Variants in LRCH1 observed in about 807,000 individuals in gnomAD.
LRCH1 encodes leucine rich repeats and calponin homology domain containing 1.
In LRCH1, 23 loss-of-function variants were observed where a neutral mutation model predicts 94.9. The observed-to-expected ratio is 0.24, with a 90% CI of 0.17 to 0.34. The LOEUF is 0.34. Among genes scored for constraint, LRCH1 ranks in the 10% least tolerant of loss-of-function variants. The pLI, the probability that LRCH1 is intolerant of heterozygous loss-of-function variation, is 1.00. For synonymous variants in LRCH1, 364 were observed against 354.9 expected (o/e 1.03, Z -0.29); for missense variants, 790 against 945.9 (o/e 0.84, Z 2.16).
chr13:46,744,903 G>A, downstream of LRCH1: 7 of 984,614 alleles, frequency 7.1e-6, no homozygotes, highest in Non-Finnish European at 8.4e-6. Context: ...TATATAGAAT[G>A]TGCCCTTTTT....
intron 2 of LRCH1, among the ~76,000 whole-genome samples, chr13:46,668,510 T>C (rs898560504): frequency 6.6e-6 from 1 of 152,190 alleles, no homozygotes; most frequent in Non-Finnish European, 1.5e-5. Context: ...ATGAGCCCGG[T>C]GGTTTTGTGA....
intron 18 of LRCH1, among the ~76,000 whole-genome samples, chr13:46,750,255 C>T (rs1425859070): frequency 6.6e-6 from 1 of 152,272 alleles, no homozygotes; most frequent in East Asian, 1.9e-4. Context: ...CTCTGTAGCT[C>T]AGTTATTTAG....
At chr13:46,633,507 G>A (rs1213275957) in intron 1 of LRCH1, among the ~76,000 whole-genome samples, 1 of 152,140 alleles carries the variant, frequency 6.6e-6, no homozygotes, top group Non-Finnish European at 1.5e-5. Flanking sequence ...ACTACATTTT[G>A]GTTTAGGACT....
intron 1 of LRCH1, among the ~76,000 whole-genome samples, chr13:46,572,713 A>G (rs2050254044): frequency 6.6e-6 from 1 of 152,228 alleles, no homozygotes; most frequent in African/African-American, 2.4e-5. Flanking sequence ...CAAAGACTTT[A>G]AAAAGCTTTT....
At chr13:46,638,357 T>C (rs527881336) in intron 1 of LRCH1, among the ~76,000 whole-genome samples, 1 of 152,330 alleles carries the variant, frequency 6.6e-6, no homozygotes, top group East Asian at 1.9e-4. Context: ...TTTGACTTCT[T>C]CAGCAATATG....
chr13:46,556,227 A>G (rs1005498905), intron 1 of LRCH1, among the ~76,000 whole-genome samples: 2 of 152,204 alleles, frequency 1.3e-5, no homozygotes, highest in Non-Finnish European at 2.9e-5. Flanking sequence ...TACGCCTTGT[A>G]AAAAGTCAGG....
intron 1 of LRCH1, among the ~76,000 whole-genome samples, chr13:46,564,561 C>T (rs533772158): frequency 1.2e-3 from 184 of 152,294 alleles, no homozygotes; most frequent in African/African-American, 4.2e-3. Context: ...GGCTGGGAAA[C>T]AAGGGTTGGC....
intron 1 of LRCH1, among the ~76,000 whole-genome samples, chr13:46,599,235 A>G (rs2050600100): frequency 1.3e-5 from 2 of 152,174 alleles, no homozygotes; most frequent in South Asian, 4.1e-4. Context: ...TTGTTTATCC[A>G]TTCTTCTGTC....
intron 1 of LRCH1, among the ~76,000 whole-genome samples, chr13:46,609,168 G>A (rs1274341392): frequency 6.6e-6 from 1 of 152,230 alleles, no homozygotes; most frequent in Non-Finnish European, 1.5e-5. Context: ...GTCATAAGCA[G>A]TGTCTGTTCT....
At chr13:46,583,610 T>C (rs2050397308) in intron 1 of LRCH1, among the ~76,000 whole-genome samples, 1 of 152,238 alleles carries the variant, frequency 6.6e-6, no homozygotes, top group South Asian at 2.1e-4. Flanking sequence ...TTCTAGACAG[T>C]TGAAAGTAAC....
chr13:46,679,066 G>A (rs765863549), intron 3 of LRCH1, among the ~76,000 whole-genome samples: 2 of 152,056 alleles, frequency 1.3e-5, no homozygotes, highest in Non-Finnish European at 2.9e-5. Flanking sequence ...GATCTTTCTC[G>A]TGCTGTCACT....
At chr13:46,600,618 TACACAC>T (rs3068695) in intron 1 of LRCH1, among the ~76,000 whole-genome samples, 1,881 of 143,280 alleles carry the variant, frequency 0.013, 28 homozygotes, top group Admixed American at 0.023. Context: ...TGACCAGATT[TACACAC>T]ACACACACAC....
intron 1 of LRCH1, among the ~76,000 whole-genome samples, chr13:46,611,330 T>TG (rs1464623683): frequency 6.6e-6 from 1 of 152,130 alleles, no homozygotes; most frequent in African/African-American, 2.4e-5. Context: ...CTTCCTTCCT[T>TG]GGGTTCTTCT....
intron 2 of LRCH1, among the ~76,000 whole-genome samples, chr13:46,655,178 G>A (rs913869116): frequency 6.6e-5 from 10 of 152,130 alleles, no homozygotes; most frequent in Admixed American, 1.3e-4. Context: ...GGTGGCGGTG[G>A]TGGTGATATG....
At chr13:46,665,931 C>T (rs1318854038) in intron 2 of LRCH1, among the ~76,000 whole-genome samples, 1 of 152,198 alleles carries the variant, frequency 6.6e-6, no homozygotes, top group Non-Finnish European at 1.5e-5. Flanking sequence ...GCAGCTTTTC[C>T]TCTCCTGTCT....
chr13:46,583,906 G>C (rs9534433), intron 1 of LRCH1, among the ~76,000 whole-genome samples: 3 of 151,806 alleles, frequency 2.0e-5, no homozygotes, highest in East Asian at 3.9e-4. Context: ...GATTACAGGC[G>C]TGAGCCACTG....
At chr13:46,651,973 C>T (rs1346287142) in intron 2 of LRCH1, among the ~76,000 whole-genome samples, 2 of 144,516 alleles carry the variant, frequency 1.4e-5, no homozygotes, top group African/African-American at 2.5e-5. Context: ...CTGCAAGCTC[C>T]GCCTCCCGGG....
intron 1 of LRCH1, among the ~76,000 whole-genome samples, chr13:46,588,043 G>T (rs1286780046): frequency 6.6e-6 from 1 of 152,110 alleles, no homozygotes; most frequent in Non-Finnish European, 1.5e-5. Flanking sequence ...CAAACTCTAG[G>T]CTGTATTTCT....
intron 1 of LRCH1, among the ~76,000 whole-genome samples, chr13:46,622,483 A>G (rs1185887975): frequency 6.6e-6 from 1 of 152,208 alleles, no homozygotes; most frequent in Non-Finnish European, 1.5e-5. Flanking sequence ...CACTGTCTCT[A>G]GAAGCAGGCA....
Sources: allele counts gnomAD v4.1 joint callset (sites outside exome capture counted in the v4.1 genomes callset), GRCh38; gene constraint gnomAD v4.1.1; transcripts MANE v1.5; gene names NCBI Gene and HGNC (gene_info 2026-07-23, HGNC 2026-07-21).